PCDHA12: variants seen among roughly 807,000 people sequenced by gnomAD.
The protein encoded by PCDHA12 is protocadherin alpha 12, also known as protocadherin alpha-12.
A neutral mutation model predicts 60.0 loss-of-function variants in PCDHA12; 44 were observed. The ratio of observed to expected loss-of-function variants is 0.73; its 90% CI spans 0.58 to 0.94. PCDHA12 has a LOEUF of 0.94. Ranked by LOEUF, PCDHA12 falls within the 40% of genes least tolerant of loss-of-function variation. The pLI is 0.00. For synonymous variants in PCDHA12, 569 were observed against 553.0 expected (o/e 1.03, Z -0.40); for missense variants, 1,276 against 1,239.7 (o/e 1.03, Z -0.44).
At chr5:140,965,196 AG>A (rs2095879471) in intron 1 of PCDHA12, among the ~76,000 whole-genome samples, 3 of 152,254 alleles carry the variant, frequency 2.0e-5, no homozygotes, top group Non-Finnish European at 4.4e-5. Flanking sequence ...ATGAGGCAAT[AG>A]ATTTCAAATT....
In PCDHA12 at chr5:141,011,598, G is replaced by A. The variant is rs530366689; in HGVS notation, c.*1661G>A. ...TTAAATCAAGATACTGGTGATTCAA[G>A]GAATTTTATTTATGGTCCAGCCAAG... On this transcript the variant is annotated 3_prime_UTR_variant, in exon 4 of 4. Transcript: ENST00000398631. 6.5e-6 allele frequency: 1 copy of A among 153,736 alleles called. No homozygotes were observed. Among genetic ancestry groups the A allele is most frequent in the Non-Finnish European group, 1.5e-5 (1 of 68,012 alleles). The allele number at this position is 153,736 out of a possible 1,614,324, so 9.5% of individuals were successfully genotyped here.
chr5:140,904,714 C>T (rs1306730472), intron 1 of PCDHA12, among the ~76,000 whole-genome samples: 1 of 152,110 alleles, frequency 6.6e-6, no homozygotes, highest in African/African-American at 2.4e-5. Flanking sequence ...TCACCACATT[C>T]TGGCCAACAT....
At position 141,010,718 on chromosome 5, in the gene PCDHA12, T is replaced by C. The variant is rs2154002137; in HGVS notation, c.*781T>C. Reference sequence around the variant, plus strand: ...TTTCCTATACATGTCCTGTGCTCACTTTATTAAAAATTCTTTTGCACACAA... The same window carrying C: ...TTTCCTATACATGTCCTGTGCTCACCTTATTAAAAATTCTTTTGCACACAA... On this transcript the variant is annotated 3_prime_UTR_variant, in exon 4 of 4. Coordinates refer to ENST00000398631, the MANE Select transcript of PCDHA12 (RefSeq NM_018903.4). The C allele has an allele frequency of 6.5e-6, 1 of 154,542 alleles. No homozygotes were observed. The highest frequency in any genetic ancestry group is 1.9e-4 in the East Asian group (1 of 5,208). 9.6% of individuals were successfully genotyped at this position (154,542 alleles called of 1,614,324 possible). A position where few individuals can be genotyped will look rare whatever the true frequency, so the allele number is the denominator to read the frequency against.
rs782673398 is a variant in PCDHA12, at chr5:140,875,932, C to A, written c.460C>A (p.Leu154Ile). ...TGCGCCTCTGGACTCTCATTTTCCTCTAGAGGGCGCTTCTGATGCGGATAT... is the reference window on the plus strand; with the variant it reads ...TGCGCCTCTGGACTCTCATTTTCCTATAGAGGGCGCTTCTGATGCGGATAT... ...ESAPLDSHFP[L>I]EGASDADIGV... Residue 154 changes from leucine (L) to isoleucine (I), a missense_variant, in exon 1 of 4, where the codon CTA becomes ATA. Physicochemically the swap from Leu to Ile is conservative, Grantham distance 5. Coordinates refer to ENST00000398631, the MANE Select transcript of PCDHA12 (RefSeq NM_018903.4). The A allele has an allele frequency of 3.1e-6, 5 of 1,614,154 alleles. No individual in the cohort carries two copies.
chr5:140,882,935 ACTGGCACAGTTCAG>A (rs2153388631), intron 1 of PCDHA12: 1 of 1,614,238 alleles, frequency 6.2e-7, no homozygotes, highest in East Asian at 2.2e-5. Flanking sequence ...ACCCGAGCTG[ACTGGCACAGTTCAG>A]CTGCTCATCA....
chr5:140,908,848 C>T (rs949816953), intron 1 of PCDHA12, among the ~76,000 whole-genome samples: 4 of 152,126 alleles, frequency 2.6e-5, no homozygotes, highest in East Asian at 3.9e-4. Context: ...GAGTAACATA[C>T]CCAAATGAGG....
In PCDHA12 at chr5:140,967,564, A is replaced by G. The variant is rs1554229677; in HGVS notation, c.2368-11385A>G. Reference sequence around the variant, plus strand: ...ACCAGTCCACTTATCGCGTCCAGCTACGGGAGGACTCACCCCCAGGCACAT... The same window carrying G: ...ACCAGTCCACTTATCGCGTCCAGCTGCGGGAGGACTCACCCCCAGGCACAT... On this transcript the variant is annotated intron_variant, in intron 1 of 3. Coordinates refer to ENST00000398631, the MANE Select transcript of PCDHA12 (RefSeq NM_018903.4). 10 of 1,614,070 alleles carry G rather than the reference A, an allele frequency of 6.2e-6. No individual in the cohort carries two copies. The Middle Eastern group carries it at 4.9e-4, about 80-fold the overall frequency.
chr5:140,936,771 C>G (rs182480245), intron 1 of PCDHA12, among the ~76,000 whole-genome samples: 2 of 152,230 alleles, frequency 1.3e-5, no homozygotes, highest in South Asian at 4.1e-4. Flanking sequence ...TGTGTAAGTT[C>G]TCTCACTTTG....
intron 1 of PCDHA12, among the ~76,000 whole-genome samples, chr5:140,935,284 A>G (rs576807866): frequency 6.6e-6 from 1 of 152,340 alleles, no homozygotes; most frequent in South Asian, 2.1e-4. Context: ...AATAAAGTTC[A>G]GCACTCCGAG....
chr5:140,999,183 AG>A (rs1233229901), intron 3 of PCDHA12, among the ~76,000 whole-genome samples: 2 of 152,200 alleles, frequency 1.3e-5, no homozygotes, highest in East Asian at 1.9e-4. Flanking sequence ...TGATGGGGAG[AG>A]GGTCCTTGGA....
chr5:140,987,040 C>G (rs916995346), intron 3 of PCDHA12, among the ~76,000 whole-genome samples: 1 of 151,880 alleles, frequency 6.6e-6, no homozygotes, highest in Non-Finnish European at 1.5e-5. Flanking sequence ...ATGGCGAAAC[C>G]CCATCTCTAC....
At chr5:140,898,712 T>C (rs1219344656) in intron 1 of PCDHA12, among the ~76,000 whole-genome samples, 2 of 152,206 alleles carry the variant, frequency 1.3e-5, no homozygotes, top group African/African-American at 4.8e-5. Flanking sequence ...AGTAGTTTTT[T>C]CCAATTCTGT....
At chr5:140,883,406 G>T (rs782181791) in intron 1 of PCDHA12, 3 of 1,614,156 alleles carry the variant, frequency 1.9e-6, no homozygotes, top group Non-Finnish European at 1.7e-6. Context: ...TCGTGACTCT[G>T]GCTCAAATGG....
At chr5:141,009,279 A>T (rs2098404369) in intron 3 of PCDHA12, among the ~76,000 whole-genome samples, 1 of 152,124 alleles carries the variant, frequency 6.6e-6, no homozygotes, top group Non-Finnish European at 1.5e-5. Flanking sequence ...ACATAGTGAG[A>T]TCCCATTTCT....
intron 1 of PCDHA12, among the ~76,000 whole-genome samples, chr5:140,921,897 A>G (rs1414353237): frequency 2.0e-5 from 3 of 152,124 alleles, no homozygotes; most frequent in Non-Finnish European, 2.9e-5. Flanking sequence ...AAAGGAGGAT[A>G]AATATATATT....
intron 1 of PCDHA12, chr5:140,883,049 G>A: frequency 6.2e-7 from 1 of 1,614,182 alleles, no homozygotes; most frequent in South Asian, 1.1e-5. Context: ...TGGAACATTA[G>A]TGATCAAGCT....
chr5:140,901,301 G>A (rs990062811), intron 1 of PCDHA12, among the ~76,000 whole-genome samples: 11 of 152,112 alleles, frequency 7.2e-5, no homozygotes, highest in Non-Finnish European at 1.5e-4. Flanking sequence ...CTGATGTTCC[G>A]GAGAGTTTCC....
At chr5:140,895,080 C>T (rs537991545) in intron 1 of PCDHA12, among the ~76,000 whole-genome samples, 11 of 152,246 alleles carry the variant, frequency 7.2e-5, no homozygotes, top group Admixed American at 1.3e-4. Context: ...CTATCAGTTC[C>T]TCCTCAGTAT....
intron 1 of PCDHA12, among the ~76,000 whole-genome samples, chr5:140,880,233 T>A (rs1040125802): frequency 6.6e-6 from 1 of 152,046 alleles, no homozygotes; most frequent in African/African-American, 2.4e-5. Flanking sequence ...TTTAAATTAG[T>A]GTATGTGCGT....
Sources: allele counts gnomAD v4.1 joint callset (sites outside exome capture counted in the v4.1 genomes callset), GRCh38; gene constraint gnomAD v4.1.1; transcripts MANE v1.5; gene names NCBI Gene and HGNC (gene_info 2026-07-23, HGNC 2026-07-21).